CNBD1: variants seen among roughly 807,000 people sequenced by gnomAD.
The protein encoded by CNBD1 is cyclic nucleotide binding domain containing 1.
Under a neutral mutation model 54.4 loss-of-function variants are expected in CNBD1, and 71 were observed. The ratio of observed to expected loss-of-function variants is 1.30; its 90% CI spans 1.08 to 1.59. The LOEUF is 1.59. CNBD1 is among the 40% of genes most tolerant of loss of function. The pLI is 0.00. For missense variants in CNBD1, 659 were observed against 518.0 expected (o/e 1.27, Z -2.64); for synonymous variants, 182 against 170.7 (o/e 1.07, Z -0.51).
intron 8 of CNBD1, among the ~76,000 whole-genome samples, chr8:87,295,618 G>C (rs189673636): frequency 1.2e-4 from 18 of 152,068 alleles, no homozygotes; most frequent in African/African-American, 4.3e-4. Flanking sequence ...TCTTTATAGA[G>C]CTCTTTTCTC....
chr8:87,361,050 G>C (rs908603251), intron 10 of CNBD1, among the ~76,000 whole-genome samples: 1 of 151,698 alleles, frequency 6.6e-6, no homozygotes, highest in African/African-American at 2.4e-5. Context: ...CTAATAAAAA[G>C]GATTTAAGCT....
intron 4 of CNBD1, among the ~76,000 whole-genome samples, chr8:87,146,248 G>T (rs1353501745): frequency 6.6e-6 from 1 of 151,894 alleles, no homozygotes; most frequent in Non-Finnish European, 1.5e-5. Flanking sequence ...TAATATATTT[G>T]CATACAAATA....
At chr8:87,156,969 A>T (rs1162881300) in intron 4 of CNBD1, among the ~76,000 whole-genome samples, 2 of 152,186 alleles carry the variant, frequency 1.3e-5, no homozygotes, top group African/African-American at 4.8e-5. Flanking sequence ...ATTATTAAAT[A>T]AATTAGCACC....
chr8:87,408,409 G>A (rs1563590550), intron 2 of CNBD1, among the ~76,000 whole-genome samples: 1 of 151,954 alleles, frequency 6.6e-6, no homozygotes, highest in African/African-American at 2.4e-5. Flanking sequence ...GTGTGTGTGT[G>A]TATAGACAGA....
At chr8:86,950,861 A>G (rs1429212476) in intron 4 of CNBD1, among the ~76,000 whole-genome samples, 2 of 151,940 alleles carry the variant, frequency 1.3e-5, no homozygotes, top group African/African-American at 2.4e-5. Context: ...TCCTGTTTCA[A>G]TCTTAGTAAG....
In CNBD1 at chr8:87,329,743, A is replaced by T. The variant is rs1266855015; in HGVS notation, c.1043-21942A>T. ...GGGAAGAATTGACTTGTGTATATTA[A>T]CCTTGTATCCGCAACCCTTATATAT... On this transcript the variant is annotated intron_variant, in intron 8 of 10. Coordinates refer to ENST00000518476, the MANE Select transcript of CNBD1 (RefSeq NM_173538.3). Among the ~76,000 whole-genome samples, 4 of 152,042 alleles carry T rather than the reference A, an allele frequency of 2.6e-5. No homozygotes were observed. The East Asian group carries it at 7.7e-4, about 29-fold the overall frequency.
At chr8:87,058,172 T>A (rs1028949282) in intron 4 of CNBD1, among the ~76,000 whole-genome samples, 1 of 152,184 alleles carries the variant, frequency 6.6e-6, no homozygotes, top group Admixed American at 6.5e-5. Flanking sequence ...ATGATCTCCT[T>A]TGACTCCACG....
chr8:87,361,542 G>A (rs1381634962), intron 10 of CNBD1, among the ~76,000 whole-genome samples: 1 of 151,806 alleles, frequency 6.6e-6, no homozygotes, highest in Non-Finnish European at 1.5e-5. Flanking sequence ...GATATCTAAT[G>A]TTTATATAGT....
intron 2 of CNBD1, among the ~76,000 whole-genome samples, chr8:87,400,542 T>G (rs1389229146): frequency 6.6e-6 from 1 of 151,930 alleles, no homozygotes; most frequent in African/African-American, 2.4e-5. Flanking sequence ...ATCAATAAAA[T>G]TTTTCAAGAT....
chr8:87,195,317 C>A (rs1813695471), intron 4 of CNBD1, among the ~76,000 whole-genome samples: 1 of 150,928 alleles, frequency 6.6e-6, no homozygotes, highest in Non-Finnish European at 1.5e-5. Flanking sequence ...CAACCTCCAC[C>A]TCCCAGGTTC....
At position 87,346,004 on chromosome 8, in the gene CNBD1, A is replaced by C. The variant is rs147784812; in HGVS notation, c.1043-5681A>C. The stretch of plus-strand genomic sequence containing the variant: ...GTTACAGTTTCATGGCCCTGATTAT[A>C]ATATAAAAAGTCATGTTTTGTTTAA... On this transcript the variant is annotated intron_variant, in intron 8 of 10. Coordinates refer to ENST00000518476, the MANE Select transcript of CNBD1 (RefSeq NM_173538.3). Among the ~76,000 whole-genome samples, 8 of 152,222 alleles carry C rather than the reference A, an allele frequency of 5.3e-5. No individual in the cohort carries two copies. In the East Asian group the frequency reaches 1.2e-3, roughly 22 times the overall value.
intron 4 of CNBD1, among the ~76,000 whole-genome samples, chr8:87,152,919 T>C (rs895708074): frequency 1.3e-5 from 2 of 152,180 alleles, no homozygotes; most frequent in African/African-American, 4.8e-5. Context: ...CAGAAATTCC[T>C]CTTTTTAAAT....
At chr8:87,315,024 G>A (rs917078836) in intron 8 of CNBD1, among the ~76,000 whole-genome samples, 3 of 151,882 alleles carry the variant, frequency 2.0e-5, no homozygotes, top group Non-Finnish European at 2.9e-5. Flanking sequence ...ATGTCTACAC[G>A]GAAAATTTAA....
chr8:87,325,982 CTTT>C lies in CNBD1; in HGVS notation c.1043-25701_1043-25699del, dbSNP rs1390071228. On this transcript the variant is annotated intron_variant, in intron 8 of 10. Coordinates refer to ENST00000518476, the MANE Select transcript of CNBD1 (RefSeq NM_173538.3). ...ATGTTTAGCGCTTCCTTCAGGAGCTCTTTTAGGGCAGGCCTGGTGGTGACAAAA... is the reference window on the plus strand; with the variant it reads ...ATGTTTAGCGCTTCCTTCAGGAGCTCTAGGGCAGGCCTGGTGGTGACAAAA... Among the ~76,000 whole-genome samples the C allele has an allele frequency of 1.9e-5, 2 of 106,056 alleles. 1 individual carries two copies. Among genetic ancestry groups the C allele is most frequent in the Non-Finnish European group, 4.1e-5 (2 of 48,596 alleles). The allele number at this position is 106,056 out of a possible 152,430, so 69.6% of individuals were successfully genotyped here.
At chr8:87,187,117 A>G (rs185837938) in intron 4 of CNBD1, among the ~76,000 whole-genome samples, 13 of 133,726 alleles carry the variant, frequency 9.7e-5, no homozygotes, top group South Asian at 2.2e-4. Flanking sequence ...TTGCCATTTT[A>G]AAAATCAATC....
Position 86,932,832 on chromosome 8 carries a change from G to GT in CNBD1, c.273-6754dup, listed in dbSNP as rs1040572008. Among the ~76,000 whole-genome samples the GT allele has an allele frequency of 1.1e-3, 171 of 149,700 alleles. 1 individual carries two copies. The highest frequency in any genetic ancestry group is 2.2e-3 in the African/African-American group (90 of 40,880). Reference sequence around the variant, plus strand: ...AAAAAACTGCCTATGGTTTTGTTCTGTTTTTTTTTTCTTCCCCGCCCAATA... The same window carrying GT: ...AAAAAACTGCCTATGGTTTTGTTCTGTTTTTTTTTTTCTTCCCCGCCCAATA... On this transcript the variant is annotated intron_variant, in intron 3 of 10. Transcript: ENST00000518476.
chr8:87,027,342 G>T (rs1190390272), intron 4 of CNBD1, among the ~76,000 whole-genome samples: 1 of 152,004 alleles, frequency 6.6e-6, no homozygotes, highest in African/African-American at 2.4e-5. Flanking sequence ...CGTGATCTCG[G>T]CTCACTGCAA....
chr8:87,021,945 A>G (rs988823842), intron 4 of CNBD1, among the ~76,000 whole-genome samples: 2 of 152,048 alleles, frequency 1.3e-5, no homozygotes, highest in Non-Finnish European at 2.9e-5. Flanking sequence ...TTTTTAATAG[A>G]TAAGTATTTT....
At chr8:87,259,641 G>C (rs1252927523) in intron 6 of CNBD1, among the ~76,000 whole-genome samples, 7 of 152,064 alleles carry the variant, frequency 4.6e-5, no homozygotes, top group Non-Finnish European at 7.4e-5. Flanking sequence ...TAACTACACA[G>C]ACAGACAGAA....
Sources: gnomAD v4.1 joint callset for allele counts (sites outside exome capture counted in the v4.1 genomes callset) on GRCh38, gnomAD v4.1.1 for gene constraint, MANE v1.5 for transcripts, NCBI Gene and HGNC (gene_info 2026-07-23, HGNC 2026-07-21) for gene names.